PTPRN2: variants seen among roughly 807,000 people sequenced by gnomAD.
PTPRN2 encodes protein tyrosine phosphatase receptor type N2.
In PTPRN2, 74 loss-of-function variants were observed where a neutral mutation model predicts 118.8. That is an observed-to-expected ratio of 0.62 (90% CI 0.52 to 0.76). PTPRN2 has a LOEUF of 0.76. PTPRN2 is among the 30% of genes least tolerant of loss of function. The probability of loss-of-function intolerance (pLI) is 0.00; values close to 1 mark genes in which losing one functional copy is unlikely to be tolerated. For synonymous variants in PTPRN2, 641 were observed against 608.0 expected, an observed-to-expected ratio of 1.05 and a Z score of -0.80; for missense variants, 1,481 against 1,394.4, an observed-to-expected ratio of 1.06 and a Z score of -0.99.
chr7:158,537,406 G>C (rs1299806866), intron 1 of PTPRN2: 3 of 152,310 alleles, frequency 2.0e-5, no homozygotes, highest in African/African-American at 7.2e-5. Context: ...TCATGCATGA[G>C]AGTCAACTGT....
chr7:157,839,884 G>A (rs1808249554), intron 12 of PTPRN2, among the ~76,000 whole-genome samples: 1 of 150,910 alleles, frequency 6.6e-6, no homozygotes, highest in Admixed American at 6.6e-5. Context: ...GAGTGTGTGT[G>A]ACTGTGTAAC....
At chr7:158,018,685 G>T (rs2128874063) in intron 11 of PTPRN2, among the ~76,000 whole-genome samples, 1 of 152,236 alleles carries the variant, frequency 6.6e-6, no homozygotes, top group East Asian at 1.9e-4. Context: ...AGTAGGCCAG[G>T]CACAGTGGCT....
In PTPRN2 at chr7:158,407,434, CCTGGGTCCTGCGTCCTGG is replaced by C. The variant is rs1212524334; in HGVS notation, c.163+82283_163+82300del. ...GGGTCCTGGGTCCTGGGTCCTGGGT[CCTGGGTCCTGCGTCCTGG>C]GTCCTGGGTCCTGCGTCCTGCGTCC... is the stretch of plus-strand genomic sequence containing the variant. On this transcript the variant is annotated intron_variant, in intron 2 of 22. Coordinates refer to ENST00000389418, the MANE Select transcript of PTPRN2 (RefSeq NM_002847.5). Among the ~76,000 whole-genome samples the C allele has an allele frequency of 1.3e-3, 106 of 83,564 alleles. 6 individuals carry two copies. The highest frequency in any genetic ancestry group is 1.8e-3 in the Non-Finnish European group (78 of 44,384). The allele number at this position is 83,564 out of a possible 152,430, so 54.8% of individuals were successfully genotyped here.
At chr7:158,312,064 TAGACACACACAC>T (rs1801812471) in intron 3 of PTPRN2, among the ~76,000 whole-genome samples, 1 of 23,514 alleles carries the variant, frequency 4.3e-5, no homozygotes, top group South Asian at 2.3e-3. Context: ...TGCTCACATG[TAGACACACACAC>T]GTGCACTCAT....
intron 12 of PTPRN2, among the ~76,000 whole-genome samples, chr7:157,700,176 C>G (rs1281440647): frequency 6.6e-6 from 1 of 152,210 alleles, no homozygotes; most frequent in Non-Finnish European, 1.5e-5. Flanking sequence ...ACACCTTAAC[C>G]TCATCACTCC....
chr7:158,555,301 C>T lies in PTPRN2; in HGVS notation c.112+32257G>A, dbSNP rs925296744. Among the ~76,000 whole-genome samples, 2 of 152,224 alleles carry T rather than the reference C, an allele frequency of 1.3e-5. No homozygotes were observed. Among genetic ancestry groups the T allele is most frequent in the Non-Finnish European group, 2.9e-5 (2 of 68,044 alleles). On this transcript the variant is annotated intron_variant, in intron 1 of 22. Transcript: ENST00000389418. This position sits in a 1 kb window ranked among gnomAD's most constrained non-coding sequence, Gnocchi z 4.7. ...GGAGGTTGGGGCTTATGCCTTAGGG[C>T]GCCAGTCAGGTCCTTCCAGGAGAAG...
intron 3 of PTPRN2, among the ~76,000 whole-genome samples, chr7:158,306,181 G>C (rs1042586750): frequency 6.6e-6 from 1 of 152,246 alleles, no homozygotes; most frequent in African/African-American, 2.4e-5. Context: ...ACCTGAGGTA[G>C]AGGATAATGG....
At chr7:158,229,429 G>A (rs570675467) in intron 3 of PTPRN2, among the ~76,000 whole-genome samples, 98 of 152,046 alleles carry the variant, frequency 6.4e-4, no homozygotes, top group African/African-American at 2.2e-3. Context: ...CTAATAAGAT[G>A]GCAATATGTG....
chr7:157,811,072 C>A (rs1806001376), intron 12 of PTPRN2, among the ~76,000 whole-genome samples: 1 of 151,856 alleles, frequency 6.6e-6, no homozygotes, highest in African/African-American at 2.4e-5. Flanking sequence ...GAGATCGAGA[C>A]CATCCTGGCT....
intron 14 of PTPRN2, among the ~76,000 whole-genome samples, chr7:157,625,478 G>A (rs1585131452): frequency 6.6e-6 from 1 of 152,180 alleles, no homozygotes; most frequent in Non-Finnish European, 1.5e-5. Flanking sequence ...AGTAACTCAG[G>A]AATGGAAAAC....
At chr7:157,549,312 T>C (rs1457388336) in intron 21 of PTPRN2, among the ~76,000 whole-genome samples, 1 of 139,262 alleles carries the variant, frequency 7.2e-6, no homozygotes, top group Non-Finnish European at 1.6e-5. Context: ...GGTTTTCTTT[T>C]CTTTCTTTTC....
chr7:157,699,417 C>A (rs954539718), intron 12 of PTPRN2, among the ~76,000 whole-genome samples: 1 of 152,094 alleles, frequency 6.6e-6, no homozygotes, highest in African/African-American at 2.4e-5. Context: ...CAGGAAGCAG[C>A]CAGTTGCTTT....
At chr7:158,215,541 G>A (rs762899339) in intron 3 of PTPRN2, among the ~76,000 whole-genome samples, 14 of 152,022 alleles carry the variant, frequency 9.2e-5, no homozygotes, top group Non-Finnish European at 1.8e-4. Flanking sequence ...CCCAAACAGG[G>A]TAAACCCAAA....
intron 3 of PTPRN2, among the ~76,000 whole-genome samples, chr7:158,224,185 G>T (rs375585160): frequency 9.2e-5 from 14 of 152,264 alleles, no homozygotes; most frequent in African/African-American, 3.4e-4. Flanking sequence ...ACTCTCCCCA[G>T]ATTGATACAG....
At chr7:157,872,925 G>A (rs1244286423) in intron 12 of PTPRN2, among the ~76,000 whole-genome samples, 7 of 152,232 alleles carry the variant, frequency 4.6e-5, no homozygotes, top group Admixed American at 2.0e-4. Context: ...CCCCTTGCTG[G>A]GAGCACTCAT....
chr7:157,610,159 G>A lies in PTPRN2; in HGVS notation c.2345-6084C>T, dbSNP rs1384527675. ...CCTCCCACCAGCACATGGGCTCCAC[G>A]GTGCTGCTGTTTGGAGGATGCGTGA... On this transcript the variant is annotated intron_variant, in intron 15 of 22. Transcript: ENST00000389418. The surrounding 1 kb of genome is among the most constrained non-coding windows in gnomAD (Gnocchi z 5.1). Among the ~76,000 whole-genome samples, 2 of 152,134 alleles carry A rather than the reference G, an allele frequency of 1.3e-5. No homozygotes were observed. Among genetic ancestry groups the A allele is most frequent in the Admixed American group, 6.5e-5 (1 of 15,284 alleles).
intron 1 of PTPRN2, among the ~76,000 whole-genome samples, chr7:158,504,528 T>C (rs1382477579): frequency 1.3e-5 from 2 of 152,222 alleles, no homozygotes; most frequent in African/African-American, 4.8e-5. Flanking sequence ...GGACATGATC[T>C]CACTCTTTTC....
rs957987172 is a variant in PTPRN2 at position 158,442,044 on chromosome 7, CAGT to C, written c.163+47688_163+47690del. On this transcript the variant is annotated intron_variant, in intron 2 of 22. Coordinates refer to ENST00000389418, the MANE Select transcript of PTPRN2 (RefSeq NM_002847.5). ...GTGATGGTGATAGTGATGGTGGTGA[CAGT>C]GGTGGTGATGGTGATGGCAGTGGTG... Among the ~76,000 whole-genome samples, 8 of 99,312 alleles carry C rather than the reference CAGT, an allele frequency of 8.1e-5. No individual in the cohort carries two copies. In the South Asian group the frequency reaches 9.9e-4, roughly 12 times the overall value. The allele number at this position is 99,312 out of a possible 152,430, so 65.2% of individuals were successfully genotyped here.
At chr7:157,836,611 G>C (rs202214830) in intron 12 of PTPRN2, among the ~76,000 whole-genome samples, 13 of 150,276 alleles carry the variant, frequency 8.7e-5, no homozygotes, top group African/African-American at 2.9e-4. Flanking sequence ...GCAAAATAAA[G>C]ACACACACAC....
Sources: allele counts gnomAD v4.1 joint callset (sites outside exome capture counted in the v4.1 genomes callset), GRCh38; gene constraint gnomAD v4.1.1; non-coding constraint Gnocchi (gnomAD v3.1); transcripts MANE v1.5; gene names NCBI Gene and HGNC (gene_info 2026-07-23, HGNC 2026-07-21).